The following ANO3 variants were observed in gnomAD, a reference collection of about 807,000 sequenced individuals.
ANO3 encodes the protein anoctamin-3.
Under a neutral mutation model 144.8 loss-of-function variants are expected in ANO3, and 99 were observed. That is an observed-to-expected ratio of 0.68 (90% CI 0.58 to 0.81). The LOEUF (loss-of-function observed/expected upper bound fraction) is 0.81. Ranked by LOEUF, ANO3 falls within the 30% of genes least tolerant of loss-of-function variation. ANO3 has a pLI of 0.00. For missense variants in ANO3, 905 were observed against 1,202.2 expected, an observed-to-expected ratio of 0.75 and a Z score of 3.66; for synonymous variants, 414 against 392.6, an observed-to-expected ratio of 1.05 and a Z score of -0.64.
intron 1 of ANO3, among the ~76,000 whole-genome samples, chr11:26,259,673 A>G (rs1853141428): frequency 6.6e-6 from 1 of 152,122 alleles, no homozygotes; most frequent in African/African-American, 2.4e-5. Flanking sequence ...ATAAAAAAAA[A>G]AAGTTATAAA....
At chr11:26,422,581 T>G (rs567712304) in intron 1 of ANO3, among the ~76,000 whole-genome samples, 1 of 152,004 alleles carries the variant, frequency 6.6e-6, no homozygotes, top group African/African-American at 2.4e-5. Flanking sequence ...AAAGGACACA[T>G]TTCCTATGGG....
intron 4 of ANO3, among the ~76,000 whole-genome samples, chr11:26,491,944 G>A (rs530051596): frequency 2.1e-3 from 316 of 152,228 alleles, no homozygotes; most frequent in Non-Finnish European, 3.7e-3. Context: ...TAATTTGTCC[G>A]TAAGTACAGC....
intron 6 of ANO3, among the ~76,000 whole-genome samples, chr11:26,517,799 G>C (rs1411426130): frequency 6.6e-6 from 1 of 152,034 alleles, no homozygotes; most frequent in Non-Finnish European, 1.5e-5. Flanking sequence ...CAAATATTGT[G>C]ACAAGCCTCT....
At chr11:26,474,979 A>G (rs1285607594) in intron 4 of ANO3, among the ~76,000 whole-genome samples, 1 of 151,936 alleles carries the variant, frequency 6.6e-6, no homozygotes, top group Admixed American at 6.6e-5. Flanking sequence ...ATTGTATTGA[A>G]AAACCAATAG....
At chr11:26,317,354 T>A (rs1854649790) in intron 1 of ANO3, among the ~76,000 whole-genome samples, 1 of 151,832 alleles carries the variant, frequency 6.6e-6, no homozygotes, top group Non-Finnish European at 1.5e-5. Context: ...ATTTTTGCAA[T>A]CTATCCATCT....
At chr11:26,253,997 T>C (rs1046699305) in intron 1 of ANO3, among the ~76,000 whole-genome samples, 1 of 152,206 alleles carries the variant, frequency 6.6e-6, no homozygotes, top group Non-Finnish European at 1.5e-5. Context: ...CATTAACATG[T>C]GATGCTAACC....
intron 4 of ANO3, among the ~76,000 whole-genome samples, chr11:26,475,319 G>C (rs1859920795): frequency 6.6e-6 from 1 of 151,878 alleles, no homozygotes; most frequent in African/African-American, 2.4e-5. Context: ...AGGTCAGATA[G>C]CTCAGGTGTT....
chr11:26,240,762 C>T (rs12222677), intron 1 of ANO3, among the ~76,000 whole-genome samples: 2,565 of 152,246 alleles, frequency 0.017, 57 homozygotes, highest in East Asian at 0.13. Context: ...CCCAGGAATT[C>T]GCCCACACTT....
At chr11:26,648,315 T>C (rs1291266063) in intron 24 of ANO3, among the ~76,000 whole-genome samples, 4 of 152,118 alleles carry the variant, frequency 2.6e-5, no homozygotes, top group Non-Finnish European at 5.9e-5. Context: ...TCAAAAGGAA[T>C]TTACAACTAG....
At chr11:26,214,827 C>A (rs1852004537) in intron 1 of ANO3, among the ~76,000 whole-genome samples, 1 of 151,664 alleles carries the variant, frequency 6.6e-6, no homozygotes, top group Non-Finnish European at 1.5e-5. Flanking sequence ...TCCAATACAC[C>A]CCATTACTTT....
Position 26,516,942 on chromosome 11 carries a change from T to C in ANO3, c.692+15T>C. 3 of 1,511,272 alleles carry C rather than the reference T, an allele frequency of 2.0e-6. No homozygotes were observed. Among genetic ancestry groups the C allele is most frequent in the Non-Finnish European group, 2.7e-6 (3 of 1,091,398 alleles). The allele number at this position is 1,511,272 out of a possible 1,614,324, so 93.6% of individuals were successfully genotyped here. Reference sequence around the variant, plus strand: ...ATGCCCTTCAGGTACTTTCAAATTTTACTTTATTTTATCTCAATATATATT... The same window carrying C: ...ATGCCCTTCAGGTACTTTCAAATTTCACTTTATTTTATCTCAATATATATT... On this transcript the variant is annotated intron_variant, in intron 6 of 26. Transcript: ENST00000256737.
At chr11:26,538,828 G>T (rs1288524138) in intron 10 of ANO3, among the ~76,000 whole-genome samples, 1 of 152,102 alleles carries the variant, frequency 6.6e-6, no homozygotes. Flanking sequence ...AAATTAGAAG[G>T]TCAATAAAAT....
intron 15 of ANO3, 115 bp from the exon 16 acceptor site, chr11:26,598,743 T>A (rs1256291172): frequency 6.1e-6 from 6 of 984,786 alleles, no homozygotes; most frequent in Non-Finnish European, 8.8e-6. Context: ...GGTTGCTTTA[T>A]TGTGAAGACT....
intron 17 of ANO3, among the ~76,000 whole-genome samples, chr11:26,603,756 A>G (rs1049320645): frequency 1.3e-5 from 2 of 152,078 alleles, no homozygotes; most frequent in Non-Finnish European, 2.9e-5. Flanking sequence ...AATGTGGCAC[A>G]CCCTTTTGAT....
At chr11:26,305,470 G>A (rs1428835474), upstream of ANO3, among the ~76,000 whole-genome samples, 3 of 151,834 alleles carry the variant, frequency 2.0e-5, no homozygotes, top group Non-Finnish European at 4.4e-5. Context: ...TTTTTCCACC[G>A]AGACAGAAGA....
chr11:26,438,097 C>T (rs1394613045), intron 1 of ANO3, among the ~76,000 whole-genome samples: 8 of 152,006 alleles, frequency 5.3e-5, no homozygotes, highest in Admixed American at 5.2e-4. Flanking sequence ...AATATTTATA[C>T]CTCAGTGCTA....
At chr11:26,543,086 G>T (rs1383078614) in intron 11 of ANO3, among the ~76,000 whole-genome samples, 1 of 152,028 alleles carries the variant, frequency 6.6e-6, no homozygotes, top group African/African-American at 2.4e-5. Context: ...GCTGGAAGTT[G>T]CTATCAAACC....
At chr11:26,235,796 G>T (rs1388026205) in intron 1 of ANO3, among the ~76,000 whole-genome samples, 2 of 134,814 alleles carry the variant, frequency 1.5e-5, no homozygotes, top group African/African-American at 2.5e-5. Flanking sequence ...CACTCCTATT[G>T]ATTCTATGTA....
intron 14 of ANO3, chr11:26,565,640 A>ATT (rs1454217452): frequency 6.2e-7 from 1 of 1,609,538 alleles, no homozygotes; most frequent in African/African-American, 1.3e-5. Flanking sequence ...GATTCAAAGG[A>ATT]GGGGAATGAC....
Sources: allele counts gnomAD v4.1 joint callset (sites outside exome capture counted in the v4.1 genomes callset), GRCh38; gene constraint gnomAD v4.1.1; transcripts MANE v1.5; gene names NCBI Gene and HGNC (gene_info 2026-07-23, HGNC 2026-07-21).